Variants in DYRK1A observed in about 807,000 individuals in gnomAD.
DYRK1A encodes the protein dual specificity tyrosine-phosphorylation-regulated kinase 1A.
DYRK1A carries 9 observed loss-of-function variants against 79.7 expected under a neutral mutation model. That is an observed-to-expected ratio of 0.11 (90% CI 0.07 to 0.20). The LOEUF (loss-of-function observed/expected upper bound fraction) is 0.20. Ranked by LOEUF, DYRK1A falls within the 10% of genes least tolerant of loss-of-function variation. The pLI is 1.00. For synonymous variants in DYRK1A, 349 were observed against 329.7 expected (o/e 1.06, Z -0.63); for missense variants, 622 against 956.0 (o/e 0.65, Z 4.61).
chr21:37,496,018 C>G (rs370743632), intron 8 of DYRK1A, 100 bp from the exon 9 acceptor site: 1 of 1,182,712 alleles, frequency 8.5e-7, no homozygotes, highest in African/African-American at 1.5e-5. Flanking sequence ...GTGCCAGACA[C>G]ACAGGAGGTG....
chr21:37,503,347 T>G (rs973721706), intron 9 of DYRK1A: 7 of 152,280 alleles, frequency 4.6e-5, no homozygotes, highest in Non-Finnish European at 7.3e-5. Flanking sequence ...TTTTTCTGTC[T>G]TCTTGTTCAC....
chr21:37,483,431 C>T (rs941920858), intron 5 of DYRK1A, among the ~76,000 whole-genome samples: 2 of 152,172 alleles, frequency 1.3e-5, no homozygotes, highest in African/African-American at 2.4e-5. Context: ...CCCTACCAGT[C>T]CCTGATGTCA....
rs1273100162 is a variant in DYRK1A, at chr21:37,518,184, TAAAGCGGA to T, written c.*5663_*5670del. 1 of 152,204 alleles carries T rather than the reference TAAAGCGGA, an allele frequency of 6.6e-6. No individual in the cohort carries two copies. The highest frequency in any genetic ancestry group is 2.4e-5 in the African/African-American group (1 of 41,428). The allele number at this position is 152,204 out of a possible 1,614,324, so 9.4% of individuals were successfully genotyped here. On this transcript the variant is annotated 3_prime_UTR_variant, in exon 12 of 12. Coordinates refer to ENST00000647188, the MANE Select transcript of DYRK1A (RefSeq NM_001347721.2). Reference sequence around the variant, plus strand: ...GTGGTGGCTCACGTCTGTAAAGATTTAAAGCGGAAAAGCGGAATGCAGTGAAATAGCAT... The same window carrying T: ...GTGGTGGCTCACGTCTGTAAAGATTTAAAGCGGAATGCAGTGAAATAGCAT...
intron 2 of DYRK1A, among the ~76,000 whole-genome samples, chr21:37,453,560 C>A (rs974951705): frequency 2.6e-5 from 4 of 152,146 alleles, no homozygotes; most frequent in Non-Finnish European, 4.4e-5. Flanking sequence ...GAGGAAAGCC[C>A]GAGCAGGTGT....
At chr21:37,368,570 T>G (rs1363021381) in intron 1 of DYRK1A, among the ~76,000 whole-genome samples, 1 of 152,092 alleles carries the variant, frequency 6.6e-6, no homozygotes, top group Admixed American at 6.5e-5. Context: ...CCGCCCAAAT[T>G]GTCAGAAAAT....
intron 1 of DYRK1A, among the ~76,000 whole-genome samples, chr21:37,371,423 A>G (rs2049427366): frequency 6.6e-6 from 1 of 152,234 alleles, no homozygotes; most frequent in South Asian, 2.1e-4. Flanking sequence ...TTTGCTTTGA[A>G]ATCCTACTTC....
intron 1 of DYRK1A, among the ~76,000 whole-genome samples, chr21:37,417,539 T>TTTTTTC (rs1569304676): frequency 6.8e-4 from 75 of 109,512 alleles, no homozygotes; most frequent in African/African-American, 2.4e-3. Context: ...CTTTTTTTTT[T>TTTTTTC]TTTTTTTTTT....
intron 5 of DYRK1A, among the ~76,000 whole-genome samples, chr21:37,483,267 G>T (rs2052722469): frequency 6.6e-6 from 1 of 152,162 alleles, no homozygotes; most frequent in African/African-American, 2.4e-5. Flanking sequence ...CACAATCCAT[G>T]TTCTTCTGCC....
At chr21:37,369,334 A>G (rs920040610) in intron 1 of DYRK1A, among the ~76,000 whole-genome samples, 1 of 152,256 alleles carries the variant, frequency 6.6e-6, no homozygotes, top group African/African-American at 2.4e-5. Context: ...GACCAGAACT[A>G]AAGTTTCATG....
chr21:37,384,425 A>C (rs988206702), intron 1 of DYRK1A, among the ~76,000 whole-genome samples: 1 of 152,174 alleles, frequency 6.6e-6, no homozygotes, highest in African/African-American at 2.4e-5. Flanking sequence ...GAGACCCCAG[A>C]AGAGTTATGT....
intron 11 of DYRK1A, among the ~76,000 whole-genome samples, chr21:37,507,462 T>C (rs2053630283): frequency 3.3e-5 from 5 of 152,328 alleles, no homozygotes; most frequent in Admixed American, 3.3e-4. Context: ...CTCTTTACCC[T>C]GAAGACCTCT....
Position 37,523,176 on chromosome 21 carries a change from A to T in DYRK1A, c.*10645A>T, listed in dbSNP as rs1449651562. 6.6e-6 allele frequency: 1 copy of T among 152,444 alleles called. No individual in the cohort carries two copies. The highest frequency in any genetic ancestry group is 1.5e-5 in the Non-Finnish European group (1 of 68,336). 9.4% of individuals were successfully genotyped at this position (152,444 alleles called of 1,614,324 possible). A position where few individuals can be genotyped will look rare whatever the true frequency, so the allele number is the denominator to read the frequency against. Reference sequence around the variant, plus strand: ...TGCCTCAGCCTCCCAAGTAGCTGGGACCACAGGCGCATGCCACTGTGCCTG... The same window carrying T: ...TGCCTCAGCCTCCCAAGTAGCTGGGTCCACAGGCGCATGCCACTGTGCCTG... On this transcript the variant is annotated 3_prime_UTR_variant, in exon 12 of 12. Transcript: ENST00000647188.
In DYRK1A at chr21:37,517,080, T is replaced by TTC. The variant is rs1427144239; in HGVS notation, c.*4549_*4550insTC. ...AACCTGTGAATCCTTCTTCAAAGCATAGAGGAGGCAGAGACAAGTCTTAAA... is the reference window on the plus strand; with the variant it reads ...AACCTGTGAATCCTTCTTCAAAGCATTCAGAGGAGGCAGAGACAAGTCTTAAA... On this transcript the variant is annotated 3_prime_UTR_variant, in exon 12 of 12. Transcript: ENST00000647188. 1.3e-5 allele frequency: 2 copies of TTC among 152,222 alleles called. No individual in the cohort carries two copies. Among genetic ancestry groups the TTC allele is most frequent in the Non-Finnish European group, 2.9e-5 (2 of 68,040 alleles). 9.4% of individuals were successfully genotyped at this position (152,222 alleles called of 1,614,324 possible).
intron 1 of DYRK1A, among the ~76,000 whole-genome samples, chr21:37,397,910 T>A (rs1312874043): frequency 6.6e-6 from 1 of 151,840 alleles, no homozygotes; most frequent in African/African-American, 2.4e-5. Flanking sequence ...GAGCATGAGA[T>A]GAGTTGTATT....
At chr21:37,371,336 TA>T (rs1484946978) in intron 1 of DYRK1A, among the ~76,000 whole-genome samples, 1 of 152,242 alleles carries the variant, frequency 6.6e-6, no homozygotes, top group African/African-American at 2.4e-5. Context: ...GTTTGATTAT[TA>T]TTTTTTTATA....
chr21:37,506,434 A>AT, intron 11 of DYRK1A: 1 of 1,414,106 alleles, frequency 7.1e-7, no homozygotes, highest in Non-Finnish European at 9.5e-7. Flanking sequence ...TATTGGGGGC[A>AT]TAACAGTTGT....
chr21:37,413,446 C>T (rs924779927), intron 1 of DYRK1A, among the ~76,000 whole-genome samples: 2 of 152,026 alleles, frequency 1.3e-5, no homozygotes, highest in African/African-American at 4.8e-5. Flanking sequence ...TATTATAGAA[C>T]ATCCTGTGTG....
At chr21:37,457,034 TTAC>T (rs1201765204) in intron 2 of DYRK1A, among the ~76,000 whole-genome samples, 158 of 35,876 alleles carry the variant, frequency 4.4e-3, no homozygotes, top group African/African-American at 0.012. Context: ...ACTTACTTAC[TTAC>T]TTATTTATTT....
At chr21:37,415,203 A>G (rs913844733) in intron 1 of DYRK1A, among the ~76,000 whole-genome samples, 4 of 152,004 alleles carry the variant, frequency 2.6e-5, no homozygotes, top group Non-Finnish European at 5.9e-5. Context: ...TTGGGGCAAA[A>G]CTCATTTAAT....
Sources: allele counts gnomAD v4.1 joint callset (sites outside exome capture counted in the v4.1 genomes callset), GRCh38; gene constraint gnomAD v4.1.1; transcripts MANE v1.5; gene names NCBI Gene and HGNC (gene_info 2026-07-23, HGNC 2026-07-21).